SHROOM2: variants seen among roughly 807,000 people sequenced by gnomAD.
SHROOM2 encodes shroom family member 2, also known as protein Shroom2.
Under a neutral mutation model 75.9 loss-of-function variants are expected in SHROOM2, and 33 were observed. The ratio of observed to expected loss-of-function variants is 0.43; its 90% CI spans 0.33 to 0.58. The LOEUF (loss-of-function observed/expected upper bound fraction) is 0.58. SHROOM2 is among the 20% of genes least tolerant of loss of function. The pLI is 0.04. For missense variants in SHROOM2, 1,434 were observed against 1,461.2 expected (o/e 0.98, Z 0.30); for synonymous variants, 655 against 663.6 (o/e 0.99, Z 0.20).
chrX:9,928,606 G>A (rs1031030644), intron 5 of SHROOM2, among the ~76,000 whole-genome samples: 11 of 110,370 alleles, frequency 1.0e-4, no homozygotes, highest in African/African-American at 3.0e-4. Context: ...TATACAACCC[G>A]GGCACACACT....
chrX:9,823,150 T>TCCCTTCTCCTTCTCCCTTCTCCTTC (rs2083867640), intron 1 of SHROOM2, among the ~76,000 whole-genome samples: 6 of 45,777 alleles, frequency 1.3e-4, no homozygotes, highest in Non-Finnish European at 2.2e-4. Flanking sequence ...CTTCTCCTTC[T>TCCCTTCTCCTTCTCCCTTCTCCTTC]TCCTTCTTCT....
At chrX:9,814,497 G>A (rs1049880675) in intron 1 of SHROOM2, among the ~76,000 whole-genome samples, 1 of 111,184 alleles carries the variant, frequency 9.0e-6, no homozygotes, top group Non-Finnish European at 1.9e-5. Flanking sequence ...CTCACCTCTA[G>A]GGGCCTGCTG....
intron 5 of SHROOM2, among the ~76,000 whole-genome samples, chrX:9,911,824 C>A (rs1417039215): frequency 9.0e-6 from 1 of 110,987 alleles, no homozygotes; most frequent in Non-Finnish European, 1.9e-5. Flanking sequence ...TGAATGTTTT[C>A]TTTTTCCTCC....
At chrX:9,814,038 C>T (rs778847125) in intron 1 of SHROOM2, among the ~76,000 whole-genome samples, 39 of 111,933 alleles carry the variant, frequency 3.5e-4, no homozygotes, top group African/African-American at 1.1e-3. Flanking sequence ...GCTGCCCTCA[C>T]GAATCTATTT....
intron 1 of SHROOM2, 84 bp downstream of exon 1, chrX:9,786,794 C>A: frequency 1.4e-6 from 1 of 711,374 alleles, no homozygotes; most frequent in Non-Finnish European, 1.7e-6. Context: ...GCGGGAGGGG[C>A]GGTAGGCTCG....
intron 5 of SHROOM2, among the ~76,000 whole-genome samples, chrX:9,914,473 G>A (rs997664943): frequency 1.8e-5 from 2 of 110,539 alleles, no homozygotes; most frequent in Non-Finnish European, 3.8e-5. Context: ...GGAGCAGTGG[G>A]AAGAAGCTGA....
At chrX:9,933,013 T>C in intron 6 of SHROOM2, 143 bp downstream of exon 6, 1 of 487,066 alleles carries the variant, frequency 2.1e-6, no homozygotes, top group South Asian at 3.9e-5. Flanking sequence ...GGAATAACTG[T>C]GTGGACAGAA....
intron 8 of SHROOM2, among the ~76,000 whole-genome samples, chrX:9,941,742 T>C (rs113368527): frequency 0.051 from 5,612 of 108,975 alleles, 185 homozygotes; most frequent in Middle Eastern, 0.098. Flanking sequence ...GAGGCCGAGG[T>C]GGGCGGATCA....
chrX:9,811,052 G>A lies in SHROOM2; in HGVS notation c.165+24342G>A, dbSNP rs182582084. Among the ~76,000 whole-genome samples, 17 of 112,076 alleles carry A rather than the reference G, an allele frequency of 1.5e-4. No homozygotes were observed. In the East Asian group the frequency reaches 3.1e-3, roughly 20 times the overall value. On this transcript the variant is annotated intron_variant, in intron 1 of 9. Coordinates refer to ENST00000380913, the MANE Select transcript of SHROOM2 (RefSeq NM_001649.4). ...ATGGTAGTCTTGGCAGAAGCATCGC[G>A]TGCAGGATAGGCAAACCCATATCTG... is the stretch of plus-strand genomic sequence containing the variant.
chrX:9,860,889 T>C (rs2084100048), intron 1 of SHROOM2, among the ~76,000 whole-genome samples: 2 of 112,075 alleles, frequency 1.8e-5, no homozygotes, highest in African/African-American at 6.5e-5. Flanking sequence ...TGTAACCACA[T>C]GGATGAACCT....
In SHROOM2 at chrX:9,946,791, G is replaced by A. The variant is rs2084823741; in HGVS notation, c.4705G>A (p.Glu1569Lys). 5.8e-6 allele frequency: 7 copies of A among 1,205,641 alleles called. No homozygotes were observed. The South Asian group carries it at 7.2e-5, about 12-fold the overall frequency. Reference sequence around the variant, plus strand: ...TGACATTTTGGCCAACTATCTGAGCGAGGAGAGCCTCGCGGACTATGAGCA... The same window carrying A: ...TGACATTTTGGCCAACTATCTGAGCAAGGAGAGCCTCGCGGACTATGAGCA... ...VFDILANYLS[E>K]ESLADYEHFV... The change falls in exon 10 of 10, where the codon GAG becomes AAG. Residue 1569 changes from glutamate (E) to lysine (K), a missense_variant. Physicochemically the swap from Glu to Lys is moderately conservative, Grantham distance 56. Coordinates refer to ENST00000380913, the MANE Select transcript of SHROOM2 (RefSeq NM_001649.4).
At chrX:9,838,520 G>C (rs778199958) in intron 1 of SHROOM2, among the ~76,000 whole-genome samples, 1 of 111,514 alleles carries the variant, frequency 9.0e-6, no homozygotes, top group East Asian at 2.8e-4. Flanking sequence ...TGACTACTAA[G>C]GAAGGAGGGG....
chrX:9,941,725 A>G (rs1020517856), intron 8 of SHROOM2, among the ~76,000 whole-genome samples: 1 of 110,289 alleles, frequency 9.1e-6, no homozygotes, highest in African/African-American at 3.3e-5. Context: ...TAATCCCAGC[A>G]CTTTCGGAGG....
rs2084410296 is a variant in SHROOM2 at position 9,909,547 on chromosome X, C to T, written c.2891+11257C>T. Among the ~76,000 whole-genome samples the T allele has an allele frequency of 3.6e-5, 4 of 112,036 alleles. No individual in the cohort carries two copies. In the South Asian group the frequency reaches 1.1e-3, roughly 31 times the overall value. The stretch of plus-strand genomic sequence containing the variant: ...ACTGGTGTATACCAACTTCACCAGG[C>T]GATCAGGGCCAACGTTGACAGGTAA... On this transcript the variant is annotated intron_variant, in intron 5 of 9. Transcript: ENST00000380913.
At chrX:9,818,222 T>C in intron 1 of SHROOM2, 1 of 192,888 alleles carries the variant, frequency 5.2e-6, no homozygotes, top group Non-Finnish European at 1.1e-5. Flanking sequence ...TTAAGCTAGG[T>C]TGTATCCATC....
chrX:9,822,619 G>T (rs927938065), intron 1 of SHROOM2, among the ~76,000 whole-genome samples: 10 of 112,783 alleles, frequency 8.9e-5, no homozygotes, highest in African/African-American at 3.2e-4. Context: ...CATCCCATCT[G>T]CCTGGGGGAG....
intron 1 of SHROOM2, among the ~76,000 whole-genome samples, chrX:9,821,444 A>C (rs2083852813): frequency 9.0e-6 from 1 of 110,760 alleles, no homozygotes; most frequent in Admixed American, 9.7e-5. Context: ...GGAGGGGGTA[A>C]ATGTGGAAAA....
At chrX:9,814,821 C>G (rs1236275377) in intron 1 of SHROOM2, among the ~76,000 whole-genome samples, 1 of 111,863 alleles carries the variant, frequency 8.9e-6, no homozygotes, top group Non-Finnish European at 1.9e-5. Context: ...GGGTCCTATT[C>G]TTTTCGAATC....
chrX:9,912,832 AG>A (rs2084442544), intron 5 of SHROOM2: 1 of 112,457 alleles, frequency 8.9e-6, no homozygotes, highest in Admixed American at 9.4e-5. Flanking sequence ...AATGCAAATC[AG>A]GGTGCAGATT....
Sources: allele counts gnomAD v4.1 joint callset (sites outside exome capture counted in the v4.1 genomes callset), GRCh38; gene constraint gnomAD v4.1.1; transcripts MANE v1.5; gene names NCBI Gene and HGNC (gene_info 2026-07-23, HGNC 2026-07-21).